Variants in LRCH3 observed in about 807,000 individuals in gnomAD.
LRCH3 encodes DISP complex protein LRCH3.
Under a neutral mutation model 104.5 loss-of-function variants are expected in LRCH3, and 68 were observed. The observed-to-expected ratio is 0.65, with a 90% CI of 0.54 to 0.80. The LOEUF (loss-of-function observed/expected upper bound fraction) is 0.80, where lower values mean the gene tolerates loss of function less well. LRCH3 is among the 30% of genes least tolerant of loss of function. The probability of loss-of-function intolerance (pLI) is 0.00; values close to 1 mark genes in which losing one functional copy is unlikely to be tolerated. For missense variants in LRCH3, 951 were observed against 953.9 expected, an observed-to-expected ratio of 1.00 and a Z score of 0.04; for synonymous variants, 344 against 361.3, an observed-to-expected ratio of 0.95 and a Z score of 0.54.
At chr3:197,838,576 G>A (rs1387393120) in intron 9 of LRCH3, among the ~76,000 whole-genome samples, 1 of 152,158 alleles carries the variant, frequency 6.6e-6, no homozygotes, top group African/African-American at 2.4e-5. Context: ...GTTGAAACAA[G>A]ATTGTATTGC....
intron 1 of LRCH3, among the ~76,000 whole-genome samples, chr3:197,802,345 T>C (rs1242493651): frequency 6.6e-6 from 1 of 152,158 alleles, no homozygotes; most frequent in Non-Finnish European, 1.5e-5. Flanking sequence ...TGAGTAGAAA[T>C]TTGTTGGCTC....
At chr3:197,838,464 G>A (rs1737246084) in intron 9 of LRCH3, among the ~76,000 whole-genome samples, 1 of 151,400 alleles carries the variant, frequency 6.6e-6, no homozygotes, top group Non-Finnish European at 1.5e-5. Flanking sequence ...CTTGGAAGTA[G>A]ATGGTAAGTA....
At chr3:197,833,918 A>G (rs1031681226) in intron 8 of LRCH3, among the ~76,000 whole-genome samples, 2 of 152,218 alleles carry the variant, frequency 1.3e-5, no homozygotes, top group South Asian at 2.1e-4. Flanking sequence ...AAATGCATTT[A>G]TGTACCTGGT....
At chr3:197,861,690 G>A (rs1740901865) in intron 15 of LRCH3, among the ~76,000 whole-genome samples, 1 of 151,434 alleles carries the variant, frequency 6.6e-6, no homozygotes, top group East Asian at 1.9e-4. Context: ...TTCTTTTATT[G>A]CTTAGCTAGG....
chr3:197,840,423 C>G (rs1213126578), intron 10 of LRCH3, among the ~76,000 whole-genome samples: 1 of 152,040 alleles, frequency 6.6e-6, no homozygotes, highest in African/African-American at 2.4e-5. Context: ...CACCATTGCC[C>G]TCCAGCCTGG....
intron 20 of LRCH3, 65 bp downstream of exon 20, chr3:197,875,840 T>C (rs2109548508): frequency 9.5e-7 from 1 of 1,051,118 alleles, no homozygotes. Flanking sequence ...TTTAGAAATG[T>C]AAATCTCTAA....
At chr3:197,830,653 G>A in intron 6 of LRCH3, 117 bp from the exon 7 acceptor site, 1 of 744,632 alleles carries the variant, frequency 1.3e-6, no homozygotes, top group Non-Finnish European at 2.2e-6. Flanking sequence ...AGCCCATTTA[G>A]TTCTAATAGT....
intron 3 of LRCH3, 29 bp downstream of exon 3, chr3:197,817,331 T>TTTTGTGTGTGTGTGC (rs1553916504): frequency 0.034 from 14,857 of 431,710 alleles, 3,023 homozygotes; most frequent in African/African-American, 0.12. Context: ...TTGTCCAACA[T>TTTTGTGTGTGTGTGC]GTGTGTGTGT....
intron 1 of LRCH3, among the ~76,000 whole-genome samples, chr3:197,814,412 G>C (rs902945474): frequency 1.1e-4 from 16 of 152,226 alleles, no homozygotes; most frequent in Non-Finnish European, 1.9e-4. Flanking sequence ...GTTGAGACTT[G>C]AATGGGGACA....
intron 1 of LRCH3, among the ~76,000 whole-genome samples, chr3:197,800,617 A>G (rs894902399): frequency 6.6e-5 from 10 of 152,348 alleles, no homozygotes; most frequent in Non-Finnish European, 1.3e-4. Context: ...CGATCCAGGA[A>G]GGTTTAAAAT....
In LRCH3 at chr3:197,830,785, C is replaced by T. The variant is rs755249012; in HGVS notation, c.903C>T (p.Tyr301=). The T allele has an allele frequency of 6.2e-6, 10 of 1,613,822 alleles. No individual in the cohort carries two copies. The highest frequency in any genetic ancestry group is 8.5e-6 in the Non-Finnish European group (10 of 1,179,760). Residue 301 remains tyrosine, a synonymous_variant, in exon 7 of 21, where the codon TAC becomes TAT. Transcript: ENST00000425562. ...TTTTCGGCAGCCATGAAGAACTGTA[C>T]TCAAGTCGCCCTTATGGAGCCCTTG... ...LGFGSCHEEL[Y]SSRPYGALDS...
At chr3:197,838,090 TGGTACAGCG>T (rs1473824302) in intron 9 of LRCH3, among the ~76,000 whole-genome samples, 1 of 151,234 alleles carries the variant, frequency 6.6e-6, no homozygotes, top group Non-Finnish European at 1.5e-5. Context: ...GGTAAGCCAC[TGGTACAGCG>T]TCCTAGGAGA....
At position 197,828,869 on chromosome 3, in the gene LRCH3, G is replaced by A. The variant is rs558204847; in HGVS notation, c.778-695G>A. Among the ~76,000 whole-genome samples the A allele has an allele frequency of 1.8e-4, 27 of 151,718 alleles. No individual in the cohort carries two copies. In the South Asian group the frequency reaches 3.6e-3, roughly 20 times the overall value. On this transcript the variant is annotated intron_variant, in intron 5 of 20. Transcript: ENST00000425562. ...ATTACAAGCGCCTGCCACCATGCCC[G>A]GCTAATTTTTTGTATTTGTAGTACA...
In LRCH3 at chr3:197,847,967, G is replaced by A; in HGVS notation, c.1476G>A (p.Glu492=). ...EAQLAALQYE[E]EKIRTKQIQR... is the part of the protein sequence containing the mutation. ...AGCTTGCTGCCCTGCAGTATGAGGAGGAGAAAATAAGGACCAAGCAGATCC... is the reference window on the plus strand; with the variant it reads ...AGCTTGCTGCCCTGCAGTATGAGGAAGAGAAAATAAGGACCAAGCAGATCC... The change falls in exon 12 of 21, where the codon GAG becomes GAA. Residue 492 remains glutamate, a synonymous_variant. Transcript: ENST00000425562. 1.2e-6 allele frequency: 2 copies of A among 1,614,156 alleles called. No homozygotes were observed. The highest frequency in any genetic ancestry group is 1.7e-6 in the Non-Finnish European group (2 of 1,180,016).
intron 17 of LRCH3, among the ~76,000 whole-genome samples, chr3:197,868,025 A>G (rs1183323794): frequency 6.6e-6 from 1 of 152,066 alleles, no homozygotes; most frequent in African/African-American, 2.4e-5. Flanking sequence ...CCCTGTCTCA[A>G]AAAAACAAAA....
At chr3:197,797,859 CAAA>C (rs749696923) in intron 1 of LRCH3, among the ~76,000 whole-genome samples, 2 of 23,234 alleles carry the variant, frequency 8.6e-5, no homozygotes, top group Non-Finnish European at 1.4e-4. Flanking sequence ...GACTCCATCT[CAAA>C]AAAAAAAAAA....
intron 10 of LRCH3, 47 bp from the exon 11 acceptor site, chr3:197,847,357 TTTGTC>T: frequency 6.7e-7 from 1 of 1,487,000 alleles, no homozygotes; most frequent in Non-Finnish European, 9.1e-7. Flanking sequence ...TATGTATCTG[TTTGTC>T]TTTTTATCAA....
chr3:197,795,683 GTTGTTTTTTTTTTT>G lies in LRCH3; in HGVS notation c.262+4146_262+4159del. Among the ~76,000 whole-genome samples the G allele has an allele frequency of 3.3e-5, 3 of 92,274 alleles. No homozygotes were observed. In the East Asian group the frequency reaches 1.0e-3, roughly 31 times the overall value. The allele number at this position is 92,274 out of a possible 152,430, so 60.5% of individuals were successfully genotyped here. A position where few individuals can be genotyped will look rare whatever the true frequency, so the allele number is the denominator to read the frequency against. ...TCTGCTTAAGGTGAGTAAAAAAGTT[GTTGTTTTTTTTTTT>G]TTTTTTTTTTTTTGAGATGGAGTCT... On this transcript the variant is annotated intron_variant, in intron 1 of 20. Transcript: ENST00000425562.
chr3:197,837,894 T>C (rs505639), intron 9 of LRCH3, among the ~76,000 whole-genome samples: 35,550 of 140,884 alleles, frequency 0.25, 4,550 homozygotes, highest in Middle Eastern at 0.42. Context: ...TAAAAATATA[T>C]ATTAAAAAAA....
Sources: allele counts gnomAD v4.1 joint callset (sites outside exome capture counted in the v4.1 genomes callset), GRCh38; gene constraint gnomAD v4.1.1; transcripts MANE v1.5; gene names NCBI Gene and HGNC (gene_info 2026-07-23, HGNC 2026-07-21).